ADGRB2: variants seen among roughly 807,000 people sequenced by gnomAD.
ADGRB2 encodes the protein adhesion G protein-coupled receptor B2.
A neutral mutation model predicts 178.7 loss-of-function variants in ADGRB2; 47 were observed. The ratio of observed to expected loss-of-function variants is 0.26; its 90% CI spans 0.21 to 0.34. ADGRB2 has a LOEUF of 0.34. Among genes scored for constraint, ADGRB2 ranks in the 10% least tolerant of loss-of-function variants. The pLI is 1.00. For missense variants in ADGRB2, 1,584 were observed against 2,180.8 expected (o/e 0.73, Z 5.45); for synonymous variants, 870 against 912.4 (o/e 0.95, Z 0.84).
Position 31,739,553 on chromosome 1 carries a change from G to A in ADGRB2, c.2250C>T (p.Asp750=). ...FPMRGRRGMK[D]WVRHSEDRLF... is the part of the protein sequence containing the mutation. ...GGCGGTCCTCTGAGTGCCGCACCCA[G>A]TCCTTCATGCCCCGGCGGCCCCGCA... Residue 750 remains aspartate, a synonymous_variant, in exon 15 of 33, where the codon GAC becomes GAT. Transcript: ENST00000373658. 2.5e-6 allele frequency: 4 copies of A among 1,612,922 alleles called. No homozygotes were observed. The highest frequency in any genetic ancestry group is 3.4e-6 in the Non-Finnish European group (4 of 1,179,844).
rs997748836 is a variant in ADGRB2 at position 31,744,379 on chromosome 1, G to A, written c.923-22C>T. 5.8e-6 allele frequency: 9 copies of A among 1,546,802 alleles called. No individual in the cohort carries two copies. Among genetic ancestry groups the A allele is most frequent in the Admixed American group, 2.0e-5 (1 of 50,004 alleles). On this transcript the variant is annotated intron_variant, in intron 5 of 32. Transcript: ENST00000373658. This position sits in a 1 kb window ranked among gnomAD's most constrained non-coding sequence, Gnocchi z 6.7. The stretch of plus-strand genomic sequence containing the variant: ...TCGCCTACGAGAGAGGGACAGCGTC[G>A]GCGGCAGGGGGCACCTCCCAAGCAC...
In ADGRB2 at chr1:31,728,325, C is replaced by A; in HGVS notation, c.4417-45G>T. Reference sequence around the variant, plus strand: ...AGAGGGTCGCTCCCCGGGGCAGCACCATGATCCCCCCTACCCAGGGCACTC... The same window carrying A: ...AGAGGGTCGCTCCCCGGGGCAGCACAATGATCCCCCCTACCCAGGGCACTC... On this transcript the variant is annotated intron_variant, in intron 30 of 32. Coordinates refer to ENST00000373658, the MANE Select transcript of ADGRB2 (RefSeq NM_001364857.2). This position sits in a 1 kb window ranked among gnomAD's most constrained non-coding sequence, Gnocchi z 6.7. 6.3e-7 allele frequency: 1 copy of A among 1,581,566 alleles called. No individual in the cohort carries two copies. The highest frequency in any genetic ancestry group is 1.1e-5 in the South Asian group (1 of 89,806).
chr1:31,739,469 C>T lies in ADGRB2; in HGVS notation c.2334G>A (p.Gly778=), dbSNP rs753409740. 71 of 1,611,264 alleles carry T rather than the reference C, an allele frequency of 4.4e-5. No individual in the cohort carries two copies. The highest frequency in any genetic ancestry group is 3.1e-4 in the East Asian group (14 of 44,800). Residue 778 remains glycine, a synonymous_variant, in exon 15 of 33, where the codon GGG becomes GGA. Transcript: ENST00000373658. ...LSSPGKPATS[G]AAGSPGRGRG... is the part of the protein sequence containing the mutation. ...TCCCCCTGCCAGGGCTGCCTGCTGC[C>T]CCAGATGTGGCTGGCTTCCCTGGGG...
At chr1:31,751,093 C>T (rs1247827529) in intron 4 of ADGRB2, among the ~76,000 whole-genome samples, 1 of 152,188 alleles carries the variant, frequency 6.6e-6, no homozygotes, top group Non-Finnish European at 1.5e-5. Context: ...CCTGGGATGG[C>T]AGTCAAAGCC....
chr1:31,739,389 G>T lies in ADGRB2; in HGVS notation c.2414C>A (p.Pro805Gln), dbSNP rs769754184. ...GPGHSHQRLL[P>Q]ADPDESSYFV... The stretch of plus-strand genomic sequence containing the variant: ...GTAGGAGGACTCATCAGGGTCTGCT[G>T]GGAGGAGGCGCTGGTGGGAGTGGCC... Residue 805 changes from proline (P) to glutamine (Q), a missense_variant, in exon 15 of 33, where the codon CCA (proline) becomes CAA (glutamine). Transcript: ENST00000373658. 1.5e-5 allele frequency: 23 copies of T among 1,542,468 alleles called. No individual in the cohort carries two copies. The highest frequency in any genetic ancestry group is 2.0e-5 in the Non-Finnish European group (23 of 1,143,650).
Position 31,741,324 on chromosome 1 carries a change from G to T in ADGRB2, c.1794+49C>A, listed in dbSNP as rs776710564. 1 of 1,532,238 alleles carries T rather than the reference G, an allele frequency of 6.5e-7. No homozygotes were observed. Among genetic ancestry groups the T allele is most frequent in the South Asian group, 1.2e-5 (1 of 84,362 alleles). The allele number at this position is 1,532,238 out of a possible 1,614,324, so 94.9% of individuals were successfully genotyped here. On this transcript the variant is annotated intron_variant, in intron 11 of 32. Transcript: ENST00000373658. This position sits in a 1 kb window ranked among gnomAD's most constrained non-coding sequence, Gnocchi z 6.5. ...ATCACGCTCCCTCCACCCCCTAGCA[G>T]AGTCTGAGACAGATTCTGCTGTGCC...
chr1:31,727,767 G>T lies in ADGRB2; in HGVS notation c.4573-162C>A. The T allele has an allele frequency of 2.2e-6, 2 of 919,308 alleles. No homozygotes were observed. Among genetic ancestry groups the T allele is most frequent in the Middle Eastern group, 3.4e-4 (1 of 2,936 alleles). The allele number at this position is 919,308 out of a possible 1,614,324, so 56.9% of individuals were successfully genotyped here. Reference sequence around the variant, plus strand: ...ATACAGACCTGCCTGGTTCCAGGGTGGGGCTCCTGACCCCTGTTCTCAGTG... The same window carrying T: ...ATACAGACCTGCCTGGTTCCAGGGTTGGGCTCCTGACCCCTGTTCTCAGTG... On this transcript the variant is annotated intron_variant, in intron 32 of 32. Transcript: ENST00000373658. The surrounding 1 kb of genome is among the most constrained non-coding windows in gnomAD (Gnocchi z 4.4).
chr1:31,736,824 A>G lies in ADGRB2; in HGVS notation c.2980-101T>C, dbSNP rs1645634259. On this transcript the variant is annotated intron_variant, in intron 20 of 32. Transcript: ENST00000373658. ...CTGCTGGGCGCTGCCACAGCCGCCCACCTGAGCCCCGCCCCCCACAGAGCC... is the reference window on the plus strand; with the variant it reads ...CTGCTGGGCGCTGCCACAGCCGCCCGCCTGAGCCCCGCCCCCCACAGAGCC... 3 of 1,480,732 alleles carry G rather than the reference A, an allele frequency of 2.0e-6. No homozygotes were observed. In the South Asian group the frequency reaches 4.1e-5, roughly 20 times the overall value. The allele number at this position is 1,480,732 out of a possible 1,614,324, so 91.7% of individuals were successfully genotyped here.
rs1646143897 is a variant in ADGRB2, at chr1:31,744,144, C to T, written c.1087+49G>A. On this transcript the variant is annotated intron_variant, in intron 6 of 32. Coordinates refer to ENST00000373658, the MANE Select transcript of ADGRB2 (RefSeq NM_001364857.2). The surrounding 1 kb of genome is among the most constrained non-coding windows in gnomAD (Gnocchi z 6.7). ...GAGATTAATCTGCCCAAGTCCCAGG[C>T]AGGACCTAACCCTGCAGGCAGGTGG... 1 of 1,475,654 alleles carries T rather than the reference C, an allele frequency of 6.8e-7. No individual in the cohort carries two copies. The highest frequency in any genetic ancestry group is 1.4e-5 in the African/African-American group (1 of 70,010). 91.4% of individuals were successfully genotyped at this position (1,475,654 alleles called of 1,614,324 possible).
chr1:31,760,317 T>C (rs1435861464), intron 1 of ADGRB2, among the ~76,000 whole-genome samples: 3 of 152,074 alleles, frequency 2.0e-5, no homozygotes, highest in Admixed American at 6.5e-5. Flanking sequence ...AGGCCCCTCC[T>C]CTAGGGGGCT....
In ADGRB2 at chr1:31,756,775, A is replaced by G; in HGVS notation, c.62T>C (p.Leu21Pro). The G allele has an allele frequency of 6.6e-7, 1 of 1,517,382 alleles. No individual in the cohort carries two copies. Among genetic ancestry groups the G allele is most frequent in the Non-Finnish European group, 8.8e-7 (1 of 1,130,630 alleles). The allele number at this position is 1,517,382 out of a possible 1,614,324, so 94.0% of individuals were successfully genotyped here. ...HRMTPACPLLLSVILSLRLAT... is the reference protein window; with the variant it reads ...HRMTPACPLLPSVILSLRLAT... ...CAGGCGCAGGGACAGAATCACAGACAGTAAGAGGGGACAGGCTGGGGTCAT... is the reference window on the plus strand; with the variant it reads ...CAGGCGCAGGGACAGAATCACAGACGGTAAGAGGGGACAGGCTGGGGTCAT... The change falls in exon 4 of 33, where the codon CTG becomes CCG. Residue 21 changes from leucine to proline, a missense_variant. Leu to Pro is a moderately conservative substitution (Grantham distance 98). Coordinates refer to ENST00000373658, the MANE Select transcript of ADGRB2 (RefSeq NM_001364857.2). This position sits in a 1 kb window ranked among gnomAD's most constrained non-coding sequence, Gnocchi z 8.5.
chr1:31,731,500 C>G, intron 28 of ADGRB2, 81 bp from the exon 29 acceptor site: 1 of 1,492,064 alleles, frequency 6.7e-7, no homozygotes, highest in Non-Finnish European at 9.0e-7. Context: ...TGGGGAGGTA[C>G]CAAGCTTCTG....
chr1:31,742,583 G>GC (rs2148965701), intron 7 of ADGRB2, among the ~76,000 whole-genome samples: 1 of 152,344 alleles, frequency 6.6e-6, no homozygotes, highest in South Asian at 2.1e-4. Context: ...TGCAAGGGCA[G>GC]CCCAGGGCTT....
Position 31,741,412 on chromosome 1 carries a change from A to T in ADGRB2, c.1755T>A (p.Ala585=). Residue 585 remains alanine (A), a synonymous_variant, in exon 11 of 33, where the codon GCT becomes GCA. Coordinates refer to ENST00000373658, the MANE Select transcript of ADGRB2 (RefSeq NM_001364857.2). This position sits in a 1 kb window ranked among gnomAD's most constrained non-coding sequence, Gnocchi z 6.5. ...GVAYWGLPSF[A]RCISHEYRYL... ...AGCGGTACTCATGGGAGATGCAGCG[A>T]GCAAAGCTGGGCAGCCCCCAGTACG... 2 of 1,607,456 alleles carry T rather than the reference A, an allele frequency of 1.2e-6. No homozygotes were observed. Among genetic ancestry groups the T allele is most frequent in the Non-Finnish European group, 1.7e-6 (2 of 1,177,242 alleles).
Position 31,740,028 on chromosome 1 carries a change from G to A in ADGRB2, c.2065C>T (p.Pro689Ser), listed in dbSNP as rs1403216162. 7 of 1,614,174 alleles carry A rather than the reference G, an allele frequency of 4.3e-6. No individual in the cohort carries two copies. The highest frequency in any genetic ancestry group is 5.9e-6 in the Non-Finnish European group (7 of 1,180,010). Residue 689 changes from proline (P) to serine (S), a missense_variant, in exon 14 of 33, where the codon CCT (proline) becomes TCT (serine). Coordinates refer to ENST00000373658, the MANE Select transcript of ADGRB2 (RefSeq NM_001364857.2). This position sits in a 1 kb window ranked among gnomAD's most constrained non-coding sequence, Gnocchi z 5.9. ...ACACGGAGCAGGTGCACAGAGCCAG[G>A]GGACACCTGGGGACAGAAAGTGTGT... is the stretch of plus-strand genomic sequence containing the variant. ...EKWDDAQQVS[P>S]GSVHLLRVVE...
Position 31,735,355 on chromosome 1 carries a change from C to T in ADGRB2, c.3354-74G>A, listed in dbSNP as rs542773728. On this transcript the variant is annotated intron_variant, in intron 24 of 32. Coordinates refer to ENST00000373658, the MANE Select transcript of ADGRB2 (RefSeq NM_001364857.2). This position sits in a 1 kb window ranked among gnomAD's most constrained non-coding sequence, Gnocchi z 6.0. ...CCGGGAGATGGGGCAGAATGAGCCC[C>T]GAGTGGGGTGGGAGGGGAGGGCAGA... 6.0e-5 allele frequency: 38 copies of T among 635,294 alleles called. No homozygotes were observed. Among genetic ancestry groups the T allele is most frequent in the Admixed American group, 9.0e-5 (4 of 44,264 alleles). The allele number at this position is 635,294 out of a possible 1,614,324, so 39.4% of individuals were successfully genotyped here. A position where few individuals can be genotyped will look rare whatever the true frequency, so the allele number is the denominator to read the frequency against.
Position 31,739,920 on chromosome 1 carries a change from T to A in ADGRB2, c.2167+6A>T. On this transcript the variant is annotated splice_donor_region_variant and intron_variant, in intron 14 of 32. Coordinates refer to ENST00000373658, the MANE Select transcript of ADGRB2 (RefSeq NM_001364857.2). ...AGGACCCCCACCCTTGCCTGACTCC[T>A]TCTACCTAGATTATCTGTGACAATC... is the stretch of plus-strand genomic sequence containing the variant. 6.2e-7 allele frequency: 1 copy of A among 1,613,430 alleles called. No individual in the cohort carries two copies. Among genetic ancestry groups the A allele is most frequent in the Non-Finnish European group, 8.5e-7 (1 of 1,179,382 alleles).
rs1300790378 is a variant in ADGRB2 at position 31,730,993 on chromosome 1, G to T, written c.4187C>A (p.Pro1396His). Residue 1396 changes from proline (P) to histidine (H), a missense_variant, in exon 29 of 33, where the codon CCC becomes CAC. Pro to His is a moderately conservative substitution (Grantham distance 77). Transcript: ENST00000373658. ...AKTVAHTEGY[P>H]SFLSVDHSGL... ...CGAGTGGTCCACGGACAGGAAGCTG[G>T]GGTAGCCTTCAGTGTGGGCCACTGT... 1 of 1,568,820 alleles carries T rather than the reference G, an allele frequency of 6.4e-7. No individual in the cohort carries two copies. The highest frequency in any genetic ancestry group is 8.7e-7 in the Non-Finnish European group (1 of 1,153,778).
At chr1:31,751,252 C>T (rs1246621881) in intron 4 of ADGRB2, among the ~76,000 whole-genome samples, 1 of 152,222 alleles carries the variant, frequency 6.6e-6, no homozygotes, top group African/African-American at 2.4e-5. Flanking sequence ...TTCCCCAAAG[C>T]ATGGGGCGGA....
Sources: allele counts gnomAD v4.1 joint callset (sites outside exome capture counted in the v4.1 genomes callset), GRCh38; gene constraint gnomAD v4.1.1; non-coding constraint Gnocchi (gnomAD v3.1); transcripts MANE v1.5; gene names NCBI Gene and HGNC (gene_info 2026-07-23, HGNC 2026-07-21).